NPAS3: variants seen among roughly 807,000 people sequenced by gnomAD.
NPAS3 encodes the protein neuronal PAS domain protein 3, also known as neuronal PAS domain-containing protein 3.
In NPAS3, 14 loss-of-function variants were observed where a neutral mutation model predicts 73.1. That is an observed-to-expected ratio of 0.19 (90% CI 0.13 to 0.30). NPAS3 has a LOEUF of 0.30. Among genes scored for constraint, NPAS3 ranks in the 10% least tolerant of loss-of-function variants. NPAS3 has a pLI of 1.00. For synonymous variants in NPAS3, 620 were observed against 541.5 expected (o/e 1.14, Z -2.01); for missense variants, 1,096 against 1,250.0 (o/e 0.88, Z 1.86).
At chr14:33,500,763 T>C (rs2052472507) in intron 4 of NPAS3, among the ~76,000 whole-genome samples, 1 of 151,904 alleles carries the variant, frequency 6.6e-6, no homozygotes, top group Non-Finnish European at 1.5e-5. Flanking sequence ...ATAAGCAGAA[T>C]TTGTTGTTTT....
chr14:33,637,372 A>C (rs543958074), intron 5 of NPAS3, among the ~76,000 whole-genome samples: 1 of 152,230 alleles, frequency 6.6e-6, no homozygotes, highest in Non-Finnish European at 1.5e-5. Flanking sequence ...TTGTATATTT[A>C]GAAAGTATAT....
At chr14:33,376,754 C>T (rs2046331381) in intron 4 of NPAS3, among the ~76,000 whole-genome samples, 2 of 152,180 alleles carry the variant, frequency 1.3e-5, no homozygotes, top group African/African-American at 4.8e-5. Context: ...TGTGCACCTA[C>T]AATGGTCTCT....
chr14:33,406,172 A>G (rs1042177796), intron 4 of NPAS3, among the ~76,000 whole-genome samples: 2 of 152,156 alleles, frequency 1.3e-5, no homozygotes, highest in South Asian at 4.1e-4. Context: ...CATAACAACT[A>G]TAGCATAATT....
rs1414798530 is a variant in NPAS3, at chr14:33,800,700, C to A, written c.2393C>A (p.Ala798Glu). ...CTGGAGGCGCTGCAGAGGTTGCAGG[C>A]GGGCAACGTCGTGCTCCCGCTGGTG... Residue 798 changes from alanine (A) to glutamate (E), a missense_variant, in exon 12 of 12, where the codon GCG becomes GAG. By Grantham distance (107) the Ala-to-Glu change is moderately radical. Coordinates refer to ENST00000356141, the Ensembl canonical transcript of NPAS3. This position sits in a 1 kb window ranked among gnomAD's most constrained non-coding sequence, Gnocchi z 6.5. The A allele has an allele frequency of 4.5e-6, 7 of 1,546,992 alleles. No individual in the cohort carries two copies. The highest frequency in any genetic ancestry group is 1.2e-5 in the South Asian group (1 of 84,164).
At chr14:33,498,385 A>G (rs2052320519) in intron 4 of NPAS3, among the ~76,000 whole-genome samples, 2 of 152,326 alleles carry the variant, frequency 1.3e-5, no homozygotes, top group Middle Eastern at 3.4e-3. Context: ...ATAAAGACAC[A>G]TGCACACATA....
intron 4 of NPAS3, 36 bp from the exon 5 acceptor site, chr14:33,560,085 A>T (rs766009534): frequency 6.5e-6 from 5 of 768,396 alleles, no homozygotes; most frequent in Non-Finnish European, 1.1e-5. Flanking sequence ...CTTTGTATTT[A>T]TTAATCTATT....
rs1240901799 is a variant in NPAS3, at chr14:33,503,639, G to A, written c.469-56482G>A. 2.0e-5 allele frequency among the ~76,000 whole-genome samples: 3 copies of A among 151,774 alleles called. No individual in the cohort carries two copies. In the East Asian group the frequency reaches 5.8e-4, roughly 30 times the overall value. On this transcript the variant is annotated intron_variant, in intron 4 of 11. Coordinates refer to ENST00000356141, the Ensembl canonical transcript of NPAS3. ...TATATTCTCATATATAGTTTATTGA[G>A]CCTCATTAAAAATGTAATTCATTAA...
At chr14:33,534,312 T>C (rs550452649) in intron 4 of NPAS3, among the ~76,000 whole-genome samples, 1 of 151,876 alleles carries the variant, frequency 6.6e-6, no homozygotes, top group Non-Finnish European at 1.5e-5. Context: ...GCTAGAGAAG[T>C]GGTTAACACT....
At chr14:33,490,230 T>C (rs993767956) in intron 4 of NPAS3, among the ~76,000 whole-genome samples, 1 of 152,186 alleles carries the variant, frequency 6.6e-6, no homozygotes, top group Non-Finnish European at 1.5e-5. Flanking sequence ...GGTGCCTATA[T>C]GTTTCGAACC....
intron 6 of NPAS3, among the ~76,000 whole-genome samples, chr14:33,684,846 G>A (rs2060043139): frequency 6.6e-6 from 1 of 152,160 alleles, no homozygotes; most frequent in African/African-American, 2.4e-5. Flanking sequence ...TCCAAGGCAG[G>A]TGTGAGATGA....
At chr14:33,607,142 A>G (rs1428911627) in intron 5 of NPAS3, among the ~76,000 whole-genome samples, 1 of 152,228 alleles carries the variant, frequency 6.6e-6, no homozygotes, top group African/African-American at 2.4e-5. Context: ...GCATATGCAT[A>G]CTATATGACC....
At chr14:33,320,324 T>G (rs191209125) in intron 3 of NPAS3, among the ~76,000 whole-genome samples, 85 of 152,174 alleles carry the variant, frequency 5.6e-4, no homozygotes, top group African/African-American at 2.0e-3. Flanking sequence ...CTTAGAATGT[T>G]TTTGATTTGG....
chr14:33,748,360 T>C (rs2061865665), intron 7 of NPAS3, among the ~76,000 whole-genome samples: 2 of 152,194 alleles, frequency 1.3e-5, no homozygotes, highest in Admixed American at 6.5e-5. Flanking sequence ...TTCTATGACA[T>C]ATTTTTCATG....
chr14:33,125,906 A>G (rs1377873610), intron 2 of NPAS3, among the ~76,000 whole-genome samples: 1 of 152,186 alleles, frequency 6.6e-6, no homozygotes, highest in African/African-American at 2.4e-5. Flanking sequence ...TTTTTAAGGT[A>G]ATATTAATAC....
intron 9 of NPAS3, among the ~76,000 whole-genome samples, chr14:33,792,960 T>G (rs928967991): frequency 1.3e-5 from 2 of 152,230 alleles, no homozygotes; most frequent in Non-Finnish European, 2.9e-5. Context: ...TCCGGCACCC[T>G]TTTAAACCAT....
At chr14:33,399,230 A>G (rs1187147069) in intron 4 of NPAS3, among the ~76,000 whole-genome samples, 1 of 152,140 alleles carries the variant, frequency 6.6e-6, no homozygotes, top group Non-Finnish European at 1.5e-5. Flanking sequence ...TGTCACATAC[A>G]CTTGCTTTTC....
At chr14:33,202,534 G>C (rs1179928217) in intron 2 of NPAS3, among the ~76,000 whole-genome samples, 2 of 152,136 alleles carry the variant, frequency 1.3e-5, no homozygotes, top group Admixed American at 6.5e-5. Flanking sequence ...TAAAGGAATA[G>C]GAGCCTATCA....
intron 6 of NPAS3, among the ~76,000 whole-genome samples, chr14:33,676,814 T>A (rs990403325): frequency 6.6e-6 from 1 of 152,228 alleles, no homozygotes; most frequent in Non-Finnish European, 1.5e-5. Context: ...TTGGTTTCTT[T>A]ATTTTTTTAA....
chr14:33,315,175 G>A (rs998509312), intron 3 of NPAS3, among the ~76,000 whole-genome samples: 2 of 151,996 alleles, frequency 1.3e-5, no homozygotes, highest in African/African-American at 4.8e-5. Flanking sequence ...TCTATGAAAA[G>A]CCACGCTGGT....
Sources: gnomAD v4.1 joint callset for allele counts (sites outside exome capture counted in the v4.1 genomes callset) on GRCh38, gnomAD v4.1.1 for gene constraint, Gnocchi (gnomAD v3.1) non-coding constraint, MANE v1.5 for transcripts, NCBI Gene and HGNC (gene_info 2026-07-23, HGNC 2026-07-21) for gene names.